The following IL12RB2 variants were observed in gnomAD, a reference collection of about 807,000 sequenced individuals.
IL12RB2 encodes the protein interleukin-12 receptor subunit beta-2.
In IL12RB2, 82 loss-of-function variants were observed where a neutral mutation model predicts 89.4. The ratio of observed to expected loss-of-function variants is 0.92; its 90% confidence interval spans 0.77 to 1.10. IL12RB2 has a LOEUF of 1.10. Ranked by LOEUF, IL12RB2 falls within the 50% of genes least tolerant of loss-of-function variation. The pLI is 0.00. For synonymous variants in IL12RB2, 368 were observed against 370.1 expected, an observed-to-expected ratio of 0.99 and a Z score of 0.07; for missense variants, 963 against 1,031.9, an observed-to-expected ratio of 0.93 and a Z score of 0.92.
intron 14 of IL12RB2, among the ~76,000 whole-genome samples, chr1:67,384,426 C>A (rs1664925977): frequency 6.6e-6 from 1 of 152,214 alleles, no homozygotes; most frequent in Non-Finnish European, 1.5e-5. Context: ...AAGTGGGGGC[C>A]CTGGACCCAG....
At chr1:67,342,030 C>T (rs1353845575) in intron 9 of IL12RB2, among the ~76,000 whole-genome samples, 1 of 152,104 alleles carries the variant, frequency 6.6e-6, no homozygotes, top group Non-Finnish European at 1.5e-5. Flanking sequence ...ATAGGGATTC[C>T]TCATGCCACT....
chr1:67,321,152 CTT>C (rs537642785), intron 3 of IL12RB2, among the ~76,000 whole-genome samples: 119 of 151,948 alleles, frequency 7.8e-4, no homozygotes, highest in Non-Finnish European at 1.5e-3. Context: ...TTTTAATACT[CTT>C]TTAAAACTGT....
chr1:67,333,623 G>T (rs1241774607), intron 8 of IL12RB2, among the ~76,000 whole-genome samples: 2 of 152,048 alleles, frequency 1.3e-5, no homozygotes, highest in Non-Finnish European at 2.9e-5. Context: ...TTAAATGACC[G>T]AAAAGTAAGG....
At chr1:67,310,182 C>T (rs1489349926) in intron 1 of IL12RB2, among the ~76,000 whole-genome samples, 1 of 90,172 alleles carries the variant, frequency 1.1e-5, no homozygotes, top group African/African-American at 4.9e-5. Context: ...GAAACTTCAT[C>T]TCAAAAAAAA....
chr1:67,330,266 G>GT (rs10661069), intron 7 of IL12RB2, among the ~76,000 whole-genome samples: 3,816 of 55,732 alleles, frequency 0.068, 158 homozygotes, highest in African/African-American at 0.18. Context: ...TAATTAAAGG[G>GT]TTTTTTTAAA....
intron 2 of IL12RB2, among the ~76,000 whole-genome samples, chr1:67,315,222 T>G (rs905071922): frequency 8.5e-5 from 13 of 152,080 alleles, no homozygotes; most frequent in Non-Finnish European, 4.4e-5. Flanking sequence ...TATTTTAACC[T>G]ATTTAATAAT....
upstream of IL12RB2, chr1:67,307,829 G>T (rs1654462496): frequency 6.6e-6 from 1 of 152,180 alleles, no homozygotes; most frequent in South Asian, 2.1e-4. Context: ...GGGAGGCGGA[G>T]GCGGGAGGGC....
At chr1:67,341,522 AAAG>A (rs1312132659) in intron 9 of IL12RB2, among the ~76,000 whole-genome samples, 9 of 92,354 alleles carry the variant, frequency 9.7e-5, no homozygotes, top group African/African-American at 3.3e-4. Flanking sequence ...AGGAAAGAAA[AAAG>A]AAAGAGAAAG....
chr1:67,343,765 G>A (rs776309763), intron 9 of IL12RB2, among the ~76,000 whole-genome samples: 1 of 152,128 alleles, frequency 6.6e-6, no homozygotes, highest in Non-Finnish European at 1.5e-5. Flanking sequence ...CACATCAACC[G>A]TTCTAGTTTC....
chr1:67,364,200 G>T (rs1046042964), intron 10 of IL12RB2, among the ~76,000 whole-genome samples: 2 of 152,148 alleles, frequency 1.3e-5, no homozygotes, highest in African/African-American at 4.8e-5. Context: ...AGACTAGCCT[G>T]GCTAACGTAG....
intron 3 of IL12RB2, 120 bp from the exon 4 acceptor site, chr1:67,321,482 A>G: frequency 1.3e-6 from 1 of 743,898 alleles, no homozygotes; most frequent in East Asian, 2.5e-5. Context: ...ATGTAGGTTA[A>G]TTATATTTGC....
chr1:67,349,988 C>T (rs1660650198), intron 9 of IL12RB2, among the ~76,000 whole-genome samples: 1 of 152,188 alleles, frequency 6.6e-6, no homozygotes, highest in Non-Finnish European at 1.5e-5. Flanking sequence ...GCAGGGAACC[C>T]AGGCAAGGGG....
chr1:67,376,131 C>A (rs1380466194), intron 13 of IL12RB2, among the ~76,000 whole-genome samples: 1 of 151,920 alleles, frequency 6.6e-6, no homozygotes, highest in African/African-American at 2.4e-5. Flanking sequence ...CAGACGTGAG[C>A]CACCGCGCCT....
At chr1:67,348,442 G>A (rs955463074) in intron 9 of IL12RB2, among the ~76,000 whole-genome samples, 1 of 152,072 alleles carries the variant, frequency 6.6e-6, no homozygotes, top group Non-Finnish European at 1.5e-5. Context: ...TGGGCTCTGC[G>A]CCTACCTTCT....
chr1:67,330,861 G>T (rs575964353), intron 8 of IL12RB2, 51 bp downstream of exon 8: 6 of 980,664 alleles, frequency 6.1e-6, no homozygotes, highest in South Asian at 5.1e-5. Flanking sequence ...AGGGGAGAGA[G>T]GGGGGAAGAT....
chr1:67,383,023 C>T (rs186121968), intron 14 of IL12RB2, among the ~76,000 whole-genome samples: 88 of 152,224 alleles, frequency 5.8e-4, no homozygotes, highest in African/African-American at 2.0e-3. Context: ...TCTGTTCTCA[C>T]GCTGCTATAA....
rs1183966428 is a variant in IL12RB2 at position 67,313,969 on chromosome 1, A to G, written c.-68A>G. 3 of 152,166 alleles carry G rather than the reference A, an allele frequency of 2.0e-5. No homozygotes were observed. The highest frequency in any genetic ancestry group is 4.8e-5 in the African/African-American group (2 of 41,432). The allele number at this position is 152,166 out of a possible 1,614,324, so 9.4% of individuals were successfully genotyped here. A position where few individuals can be genotyped will look rare whatever the true frequency, so the allele number is the denominator to read the frequency against. ...AAATGACCTCTGAAGTGTTGTCTGT[A>G]TATTGATCTGCTACCAGTAAAACAT... On this transcript the variant is annotated 5_prime_UTR_variant, in exon 2 of 17. Coordinates refer to ENST00000674203, the MANE Select transcript of IL12RB2 (RefSeq NM_001374259.2).
At chr1:67,380,987 A>G (rs1406949502) in intron 14 of IL12RB2, among the ~76,000 whole-genome samples, 1 of 152,228 alleles carries the variant, frequency 6.6e-6, no homozygotes, top group African/African-American at 2.4e-5. Context: ...GGACTTCAAC[A>G]TACAAATTTG....
chr1:67,378,600 C>T (rs150243865), intron 13 of IL12RB2, among the ~76,000 whole-genome samples: 5 of 152,236 alleles, frequency 3.3e-5, no homozygotes, highest in African/African-American at 1.2e-4. Context: ...GCCTGTAATT[C>T]CAGCACTTTG....
Sources: gnomAD v4.1 joint callset for allele counts (sites outside exome capture counted in the v4.1 genomes callset) on GRCh38, gnomAD v4.1.1 for gene constraint, MANE v1.5 for transcripts, NCBI Gene and HGNC (gene_info 2026-07-23, HGNC 2026-07-21) for gene names.